PDE4B: variants seen among roughly 807,000 people sequenced by gnomAD.
PDE4B encodes phosphodiesterase 4B.
In PDE4B, 20 loss-of-function variants were observed where a neutral mutation model predicts 82.2. The observed-to-expected ratio is 0.24, with a 90% confidence interval of 0.17 to 0.35. The LOEUF is 0.35. PDE4B is among the 10% of genes least tolerant of loss of function. The probability of loss-of-function intolerance (pLI) is 1.00; values close to 1 mark genes in which losing one functional copy is unlikely to be tolerated. For missense variants in PDE4B, 655 were observed against 907.2 expected, an observed-to-expected ratio of 0.72 and a Z score of 3.57; for synonymous variants, 320 against 318.9, an observed-to-expected ratio of 1.00 and a Z score of -0.04.
intron 3 of PDE4B, among the ~76,000 whole-genome samples, chr1:66,166,225 C>A (rs956277421): frequency 2.0e-5 from 3 of 152,122 alleles, no homozygotes; most frequent in Non-Finnish European, 4.4e-5. Flanking sequence ...TAATTTACTC[C>A]ATGTACAAAA....
At chr1:65,865,055 G>A (rs1158007408) in intron 1 of PDE4B, among the ~76,000 whole-genome samples, 5 of 152,216 alleles carry the variant, frequency 3.3e-5, no homozygotes, top group Admixed American at 6.5e-5. Context: ...TGGGGCTGCT[G>A]CCTTTCCTTC....
At chr1:66,246,372 A>G (rs1288166281) in intron 3 of PDE4B, among the ~76,000 whole-genome samples, 1 of 152,234 alleles carries the variant, frequency 6.6e-6, no homozygotes, top group Non-Finnish European at 1.5e-5. Flanking sequence ...GACATAAATC[A>G]TGGCCGCTGA....
intron 3 of PDE4B, among the ~76,000 whole-genome samples, chr1:66,010,559 A>G (rs1463944855): frequency 6.6e-6 from 1 of 151,262 alleles, no homozygotes; most frequent in Admixed American, 6.6e-5. Context: ...ATGGGCATTA[A>G]GTAGATATTA....
chr1:66,294,169 G>T (rs1446508771), intron 7 of PDE4B, among the ~76,000 whole-genome samples: 3 of 151,988 alleles, frequency 2.0e-5, no homozygotes, highest in African/African-American at 7.3e-5. Flanking sequence ...TTGCACCATT[G>T]CACTCCACCC....
chr1:66,086,292 T>C (rs1657005512), intron 3 of PDE4B, among the ~76,000 whole-genome samples: 1 of 152,152 alleles, frequency 6.6e-6, no homozygotes. Context: ...CTTTCCTTCG[T>C]GCTAATTTAA....
intron 3 of PDE4B, among the ~76,000 whole-genome samples, chr1:65,999,385 C>T (rs1050750639): frequency 1.3e-5 from 2 of 152,174 alleles, no homozygotes; most frequent in African/African-American, 4.8e-5. Flanking sequence ...TTCCAACCTC[C>T]TCTCCTGTTC....
In PDE4B at chr1:65,856,329, C is replaced by T. The variant is rs1646392280; in HGVS notation, c.-70-56916C>T. ...AGGTTTTTGTCCTAATGCTCTTCCT[C>T]TCTTGCCCCACCCCCACAACAGGCC... On this transcript the variant is annotated intron_variant, in intron 1 of 16. Coordinates refer to ENST00000341517, the MANE Select transcript of PDE4B (RefSeq NM_002600.4). Among the ~76,000 whole-genome samples the T allele has an allele frequency of 2.0e-5, 3 of 152,168 alleles. No individual in the cohort carries two copies. The South Asian group carries it at 6.2e-4, about 32-fold the overall frequency.
chr1:65,943,051 A>G (rs1648528676), intron 3 of PDE4B, among the ~76,000 whole-genome samples: 1 of 151,736 alleles, frequency 6.6e-6, no homozygotes, highest in African/African-American at 2.4e-5. Context: ...TTTGTTGCTC[A>G]TGCTTTCAGG....
intron 1 of PDE4B, among the ~76,000 whole-genome samples, chr1:65,838,600 T>G (rs1006502099): frequency 4.0e-5 from 6 of 148,472 alleles, no homozygotes; most frequent in African/African-American, 1.5e-4. Flanking sequence ...TGTATATGTA[T>G]CTATATGTAT....
intron 3 of PDE4B, among the ~76,000 whole-genome samples, chr1:66,059,616 C>G (rs1655480287): frequency 6.6e-6 from 1 of 152,132 alleles, no homozygotes; most frequent in African/African-American, 2.4e-5. Flanking sequence ...GGGAAACTCT[C>G]ATTTTGAAAA....
intron 3 of PDE4B, among the ~76,000 whole-genome samples, chr1:66,011,911 C>A (rs1428079006): frequency 1.3e-5 from 2 of 152,004 alleles, no homozygotes; most frequent in Non-Finnish European, 2.9e-5. Flanking sequence ...TTGATGGATA[C>A]ATAAAGAATT....
chr1:66,106,464 G>A (rs1464898865), intron 3 of PDE4B, among the ~76,000 whole-genome samples: 28 of 152,104 alleles, frequency 1.8e-4, no homozygotes, highest in South Asian at 1.2e-3. Context: ...AAATGAGTTA[G>A]GGAGGATTCC....
intron 1 of PDE4B, among the ~76,000 whole-genome samples, chr1:65,816,209 G>GTGTGTGTGTGTGTT (rs1645882423): frequency 1.4e-5 from 1 of 69,782 alleles, no homozygotes; most frequent in African/African-American, 4.3e-5. Flanking sequence ...GTGTGTGTGT[G>GTGTGTGTGTGTGTT]TGTGTGTGTG....
At chr1:65,872,849 G>A (rs975198544) in intron 1 of PDE4B, among the ~76,000 whole-genome samples, 2 of 152,150 alleles carry the variant, frequency 1.3e-5, no homozygotes, top group African/African-American at 4.8e-5. Flanking sequence ...CAACTTCCAT[G>A]TGAGGAAAGA....
intron 3 of PDE4B, among the ~76,000 whole-genome samples, chr1:66,055,908 A>G (rs1484714236): frequency 6.6e-6 from 1 of 152,216 alleles, no homozygotes; most frequent in Admixed American, 6.5e-5. Flanking sequence ...GGTAGCTATC[A>G]GAAATGTTCA....
intron 3 of PDE4B, among the ~76,000 whole-genome samples, chr1:66,020,123 C>A (rs193252853): frequency 6.6e-6 from 1 of 152,274 alleles, no homozygotes; most frequent in Admixed American, 6.5e-5. Flanking sequence ...AAGTAGACAT[C>A]TATATTTTTA....
At chr1:65,915,745 CT>C (rs1553120368) in intron 2 of PDE4B, among the ~76,000 whole-genome samples, 1 of 152,128 alleles carries the variant, frequency 6.6e-6, no homozygotes, top group Non-Finnish European at 1.5e-5. Flanking sequence ...TTTACACTAC[CT>C]TTTCCTTTGT....
intron 8 of PDE4B, chr1:66,354,652 C>A: frequency 7.2e-7 from 1 of 1,391,474 alleles, no homozygotes; most frequent in Non-Finnish European, 9.3e-7. Flanking sequence ...AGGCTTCTTG[C>A]AAGAATGGAG....
chr1:65,862,335 A>G (rs960780684), intron 1 of PDE4B, among the ~76,000 whole-genome samples: 7 of 152,124 alleles, frequency 4.6e-5, no homozygotes, highest in South Asian at 2.1e-4. Context: ...ATTTCTATTT[A>G]TGTGATGGAT....
Sources: gnomAD v4.1 joint callset for allele counts (sites outside exome capture counted in the v4.1 genomes callset) on GRCh38, gnomAD v4.1.1 for gene constraint, MANE v1.5 for transcripts, NCBI Gene and HGNC (gene_info 2026-07-23, HGNC 2026-07-21) for gene names.